The following RARB variants were observed in gnomAD, a reference collection of about 807,000 sequenced individuals.
RARB encodes HBV-activated protein.
RARB carries 17 observed loss-of-function variants against 51.9 expected under a neutral mutation model. That is an observed-to-expected ratio of 0.33 (90% confidence interval 0.22 to 0.49). RARB has a LOEUF of 0.49. RARB is among the 20% of genes least tolerant of loss of function. RARB has a pLI of 0.99. For synonymous variants in RARB, 215 were observed against 195.4 expected (o/e 1.10, Z -0.84); for missense variants, 369 against 550.8 (o/e 0.67, Z 3.30).
chr3:25,009,959 T>A (rs1160967470), intron 2 of RARB, among the ~76,000 whole-genome samples: 2 of 152,128 alleles, frequency 1.3e-5, no homozygotes, highest in African/African-American at 4.8e-5. Context: ...CTGTTTCTTA[T>A]TTTATAAAAG....
At chr3:25,327,412 A>T (rs1704757886) in intron 5 of RARB, among the ~76,000 whole-genome samples, 1 of 152,188 alleles carries the variant, frequency 6.6e-6, no homozygotes, top group Non-Finnish European at 1.5e-5. Context: ...AGCAATTGGA[A>T]TCAGAAAGAC....
chr3:25,595,252 A>G (rs1026665587), intron 7 of RARB, among the ~76,000 whole-genome samples: 2 of 152,208 alleles, frequency 1.3e-5, no homozygotes, highest in South Asian at 2.1e-4. Flanking sequence ...AGGTTTTTCT[A>G]TGTAGAGAGA....
At chr3:25,439,409 ATTT>A (rs1231870604) in intron 1 of RARB, among the ~76,000 whole-genome samples, 1 of 151,978 alleles carries the variant, frequency 6.6e-6, no homozygotes, top group Non-Finnish European at 1.5e-5. Context: ...AACATGTCTT[ATTT>A]TTTATTTTTT....
chr3:25,036,491 T>A (rs1165360931), intron 2 of RARB, among the ~76,000 whole-genome samples: 1 of 152,208 alleles, frequency 6.6e-6, no homozygotes, highest in African/African-American at 2.4e-5. Context: ...AAGTCTTCAT[T>A]TTTTTTCAGC....
At chr3:25,174,925 A>T (rs1700714223) in intron 5 of RARB, among the ~76,000 whole-genome samples, 1 of 152,230 alleles carries the variant, frequency 6.6e-6, no homozygotes, top group Non-Finnish European at 1.5e-5. Flanking sequence ...ATACCATAAA[A>T]ATCACTAATG....
chr3:25,533,436 AT>A (rs1229866676), intron 3 of RARB, among the ~76,000 whole-genome samples: 1 of 152,168 alleles, frequency 6.6e-6, no homozygotes, highest in Non-Finnish European at 1.5e-5. Context: ...ATAGTGGTGT[AT>A]TATTTCACAA....
chr3:25,154,787 C>T (rs1198420994), intron 4 of RARB, among the ~76,000 whole-genome samples: 4 of 152,240 alleles, frequency 2.6e-5, no homozygotes, highest in African/African-American at 9.6e-5. Context: ...CTTTCCCCAA[C>T]CAGTCCTTTG....
chr3:24,943,939 AG>A (rs537238930), intron 2 of RARB, among the ~76,000 whole-genome samples: 1 of 152,194 alleles, frequency 6.6e-6, no homozygotes, highest in Admixed American at 6.5e-5. Flanking sequence ...GAAAGTGAGG[AG>A]GGGAAAAAGA....
chr3:25,064,501 C>G (rs1388661804), intron 3 of RARB, among the ~76,000 whole-genome samples: 1 of 152,088 alleles, frequency 6.6e-6, no homozygotes. Flanking sequence ...CTCACTGAAA[C>G]TGTCTTATAG....
intron 2 of RARB, among the ~76,000 whole-genome samples, chr3:25,054,837 G>C (rs1698405689): frequency 6.6e-6 from 1 of 152,146 alleles, no homozygotes. Context: ...AGGCCAAGAG[G>C]AGCTGAGAGT....
At chr3:25,428,098 C>T (rs755262098), upstream of RARB, among the ~76,000 whole-genome samples, 23 of 152,176 alleles carry the variant, frequency 1.5e-4, no homozygotes, top group Non-Finnish European at 2.8e-4. Context: ...CTGCCTGCCT[C>T]TCTGGCTGTC....
chr3:24,847,985 G>A (rs1335194087), intron 1 of RARB, among the ~76,000 whole-genome samples: 1 of 152,176 alleles, frequency 6.6e-6, no homozygotes, highest in African/African-American at 2.4e-5. Context: ...CACACTCAAT[G>A]CTTCAGGATT....
chr3:25,514,474 C>G (rs1698058581), intron 3 of RARB, among the ~76,000 whole-genome samples: 1 of 151,922 alleles, frequency 6.6e-6, no homozygotes, highest in South Asian at 2.1e-4. Flanking sequence ...TGTTCCGACA[C>G]TTCATTTTAC....
intron 2 of RARB, among the ~76,000 whole-genome samples, chr3:24,900,415 G>A (rs1703577753): frequency 6.6e-6 from 1 of 152,118 alleles, no homozygotes; most frequent in Non-Finnish European, 1.5e-5. Context: ...TTTTACAATC[G>A]ATTCTCTCAT....
chr3:24,915,803 G>A (rs1030236582), intron 2 of RARB, among the ~76,000 whole-genome samples: 1 of 152,136 alleles, frequency 6.6e-6, no homozygotes, highest in African/African-American at 2.4e-5. Context: ...CTATACAAAT[G>A]TAGGTGACCA....
At chr3:24,922,012 G>A (rs1401799242) in intron 2 of RARB, among the ~76,000 whole-genome samples, 2 of 152,196 alleles carry the variant, frequency 1.3e-5, no homozygotes, top group African/African-American at 4.8e-5. Context: ...ATGCAGTAGA[G>A]TCTCTAGGTC....
At chr3:25,501,354 G>A (rs368000114) in intron 3 of RARB, 31 bp downstream of exon 3, 1 of 1,603,008 alleles carries the variant, frequency 6.2e-7, no homozygotes, top group African/African-American at 1.3e-5. Flanking sequence ...CTTTTTCCCT[G>A]TTTTCCTTAT....
intron 3 of RARB, among the ~76,000 whole-genome samples, chr3:25,084,391 G>T (rs1699065598): frequency 6.6e-6 from 1 of 152,014 alleles, no homozygotes; most frequent in African/African-American, 2.4e-5. Context: ...CTCTGCCATG[G>T]AAGTATATAC....
At chr3:25,084,972 C>A (rs181832785) in intron 3 of RARB, among the ~76,000 whole-genome samples, 1 of 152,220 alleles carries the variant, frequency 6.6e-6, no homozygotes, top group Non-Finnish European at 1.5e-5. Flanking sequence ...GCATGACAGA[C>A]AAGTCATTTA....
Sources: gnomAD v4.1 joint callset for allele counts (sites outside exome capture counted in the v4.1 genomes callset) on GRCh38, gnomAD v4.1.1 for gene constraint, MANE v1.5 for transcripts, NCBI Gene and HGNC (gene_info 2026-07-23, HGNC 2026-07-21) for gene names.